The following C19orf38 variants were observed in gnomAD, a reference collection of about 807,000 sequenced individuals.
C19orf38 encodes the protein chromosome 19 open reading frame 38, also known as protein HIDE1.
C19orf38 carries 14 observed loss-of-function variants against 26.6 expected under a neutral mutation model. That is an observed-to-expected ratio of 0.53 (90% CI 0.35 to 0.82). The LOEUF (loss-of-function observed/expected upper bound fraction) is 0.82, where lower values mean the gene tolerates loss of function less well. C19orf38 is among the 40% of genes least tolerant of loss of function. The probability of loss-of-function intolerance (pLI) is 0.01; values close to 1 mark genes in which losing one functional copy is unlikely to be tolerated. For missense variants in C19orf38, 261 were observed against 299.5 expected, an observed-to-expected ratio of 0.87 and a Z score of 0.95; for synonymous variants, 132 against 128.5, an observed-to-expected ratio of 1.03 and a Z score of -0.18.
upstream of C19orf38, among the ~76,000 whole-genome samples, chr19:10,846,041 G>C (rs1044508977): frequency 1.3e-5 from 2 of 150,900 alleles, no homozygotes; most frequent in African/African-American, 4.9e-5. Context: ...AATTAGCCAG[G>C]TGTGGTGGTG....
intron 2 of C19orf38, among the ~76,000 whole-genome samples, chr19:10,851,930 T>TGCAGTCC (rs2073576439): frequency 1.4e-5 from 2 of 144,298 alleles, no homozygotes; most frequent in Non-Finnish European, 3.0e-5. Flanking sequence ...ATTGCGCCAC[T>TGCAGTCC]GCAGTCCGCA....
intron 1 of C19orf38, chr19:10,842,184 G>A: frequency 6.4e-7 from 1 of 1,557,844 alleles, no homozygotes; most frequent in Non-Finnish European, 8.9e-7. Context: ...TCCGGCAAAT[G>A]TGGTTCTGAA....
intron 6 of C19orf38, among the ~76,000 whole-genome samples, chr19:10,867,580 GC>G (rs1339793477): frequency 1.4e-5 from 2 of 144,678 alleles, no homozygotes; most frequent in Admixed American, 7.1e-5. Context: ...TCACGCCATT[GC>G]ATTCCAGCCT....
chr19:10,857,451 G>A (rs1240376900), intron 3 of C19orf38, among the ~76,000 whole-genome samples: 1 of 136,778 alleles, frequency 7.3e-6, no homozygotes, highest in African/African-American at 2.8e-5. Context: ...CACTTGCTCT[G>A]TTGCCAGCCT....
Position 10,852,748 on chromosome 19 carries a change from G to A in C19orf38, c.340+2181G>A, listed in dbSNP as rs368078704. On this transcript the variant is annotated intron_variant, in intron 2 of 6. Coordinates refer to ENST00000397820, the MANE Select transcript of C19orf38 (RefSeq NM_001136482.3). ...GGGCAGGGAGTTCACCAGGAGGATCGTGGGGGGTCTTGTAGACCACAGCAA... is the reference window on the plus strand; with the variant it reads ...GGGCAGGGAGTTCACCAGGAGGATCATGGGGGGTCTTGTAGACCACAGCAA... Among the ~76,000 whole-genome samples, 37 of 152,220 alleles carry A rather than the reference G, an allele frequency of 2.4e-4. 1 individual carries two copies. Among genetic ancestry groups the A allele is most frequent in the African/African-American group, 7.9e-4 (33 of 41,530 alleles).
Position 10,848,552 on chromosome 19 carries a change from C to T in C19orf38, c.31+13C>T, listed in dbSNP as rs1179775795. On this transcript the variant is annotated intron_variant, in intron 1 of 6. Coordinates refer to ENST00000397820, the MANE Select transcript of C19orf38 (RefSeq NM_001136482.3). ...CTCTTTGCAGCTGGTGAGTCTGAAGCCCCCCTCTCAGATCCCCCACGCCTT... is the reference window on the plus strand; with the variant it reads ...CTCTTTGCAGCTGGTGAGTCTGAAGTCCCCCTCTCAGATCCCCCACGCCTT... 6.8e-7 allele frequency: 1 copy of T among 1,477,696 alleles called. No homozygotes were observed. The highest frequency in any genetic ancestry group is 9.1e-7 in the Non-Finnish European group (1 of 1,099,910). The allele number at this position is 1,477,696 out of a possible 1,614,324, so 91.5% of individuals were successfully genotyped here. A position where few individuals can be genotyped will look rare whatever the true frequency, so the allele number is the denominator to read the frequency against.
intron 6 of C19orf38, among the ~76,000 whole-genome samples, chr19:10,868,935 G>A (rs763709253): frequency 1.3e-5 from 2 of 152,180 alleles, no homozygotes; most frequent in Admixed American, 6.6e-5. Context: ...CATTCTGCCC[G>A]TTTTGCAGAA....
chr19:10,860,973 T>A (rs1372630051), intron 5 of C19orf38, among the ~76,000 whole-genome samples: 1 of 151,452 alleles, frequency 6.6e-6, no homozygotes, highest in Non-Finnish European at 1.5e-5. Flanking sequence ...TGAAACCCTG[T>A]CTCTACTGAA....
intron 5 of C19orf38, 102 bp downstream of exon 5, chr19:10,860,060 G>A: frequency 8.0e-7 from 1 of 1,243,036 alleles, no homozygotes; most frequent in Non-Finnish European, 1.2e-6. Context: ...GTGACTGCTT[G>A]TTCCCTTTAG....
intron 1 of C19orf38, chr19:10,842,128 C>A: frequency 6.3e-7 from 1 of 1,580,094 alleles, no homozygotes; most frequent in Admixed American, 1.7e-5. Flanking sequence ...TCAGTTGACT[C>A]ATTCACTCAG....
chr19:10,837,097 G>A (rs2073438003), intron 1 of C19orf38, among the ~76,000 whole-genome samples: 1 of 152,156 alleles, frequency 6.6e-6, no homozygotes, highest in African/African-American at 2.4e-5. Context: ...TGCAAAATGG[G>A]GATAATAGGC....
At chr19:10,842,817 G>A (rs2073488615) in intron 1 of C19orf38, among the ~76,000 whole-genome samples, 1 of 152,134 alleles carries the variant, frequency 6.6e-6, no homozygotes, top group Admixed American at 6.5e-5. Flanking sequence ...TTGCCAGCCG[G>A]GGACATCTAT....
chr19:10,863,055 G>A, intron 5 of C19orf38, 115 bp from the exon 6 acceptor site: 1 of 1,071,916 alleles, frequency 9.3e-7, no homozygotes, highest in African/African-American at 1.6e-5. Flanking sequence ...AGAGGATGCT[G>A]GGAGATGGAC....
In C19orf38 at chr19:10,848,479, G is replaced by A. The variant is rs530201376; in HGVS notation, c.-30G>A. The A allele has an allele frequency of 5.9e-5, 91 of 1,551,518 alleles. No individual in the cohort carries two copies. The South Asian group carries it at 9.5e-4, about 16-fold the overall frequency. ...GGAGCCTTGGGCCCCTCTGGCCTCAGCCGGATTTCCCAGCCAAACGCAGAG... is the reference window on the plus strand; with the variant it reads ...GGAGCCTTGGGCCCCTCTGGCCTCAACCGGATTTCCCAGCCAAACGCAGAG... On this transcript the variant is annotated 5_prime_UTR_variant, in exon 1 of 7. Transcript: ENST00000397820.
Position 10,869,325 on chromosome 19 carries a change from G to T in C19orf38, c.651G>T (p.Ser217=). The T allele has an allele frequency of 1.3e-6, 2 of 1,551,434 alleles. No individual in the cohort carries two copies. Among genetic ancestry groups the T allele is most frequent in the Non-Finnish European group, 8.7e-7 (1 of 1,146,940 alleles). ...TRKRPTSTSS[S]PETPEFSTFR... is the part of the protein sequence containing the mutation. ...AGAGGCCCACTTCCACGTCCTCCTCGCCTGAGACCCCCGAATTCAGCACTT... is the reference window on the plus strand; with the variant it reads ...AGAGGCCCACTTCCACGTCCTCCTCTCCTGAGACCCCCGAATTCAGCACTT... The change falls in exon 7 of 7, where the codon TCG becomes TCT. Residue 217 remains serine (S), a synonymous_variant. Coordinates refer to ENST00000397820, the MANE Select transcript of C19orf38 (RefSeq NM_001136482.3).
upstream of C19orf38, among the ~76,000 whole-genome samples, chr19:10,848,114 C>T (rs1319321001): frequency 2.6e-5 from 4 of 152,150 alleles, no homozygotes; most frequent in African/African-American, 9.7e-5. Context: ...TCACTCGAAC[C>T]TGGGAGGTGG....
chr19:10,849,947 C>T (rs1361728100), intron 1 of C19orf38, among the ~76,000 whole-genome samples: 1 of 151,998 alleles, frequency 6.6e-6, no homozygotes, highest in Admixed American at 6.6e-5. Context: ...TGCCTGTAAT[C>T]CTAGCTACTT....
At chr19:10,857,339 C>CATATATAT (rs1215628613) in intron 3 of C19orf38, among the ~76,000 whole-genome samples, 934 of 53,904 alleles carry the variant, frequency 0.017, 55 homozygotes, top group Middle Eastern at 0.037. Flanking sequence ...CACACACATA[C>CATATATAT]ATATATATAT....
chr19:10,859,362 A>G (rs1344898193), intron 4 of C19orf38, among the ~76,000 whole-genome samples: 28 of 37,654 alleles, frequency 7.4e-4, no homozygotes, highest in South Asian at 1.0e-3. Flanking sequence ...ATATATATAT[A>G]TATATATATA....
Sources: allele counts gnomAD v4.1 joint callset (sites outside exome capture counted in the v4.1 genomes callset), GRCh38; gene constraint gnomAD v4.1.1; transcripts MANE v1.5; gene names NCBI Gene and HGNC (gene_info 2026-07-23, HGNC 2026-07-21).